Variants in PLPPR5 observed in about 807,000 individuals in gnomAD.
PLPPR5 encodes phospholipid phosphatase related 5, also known as phospholipid phosphatase-related protein type 5.
In PLPPR5, 16 loss-of-function variants were observed where a neutral mutation model predicts 33.9. That is an observed-to-expected ratio of 0.47 (90% CI 0.32 to 0.72). The LOEUF (loss-of-function observed/expected upper bound fraction) is 0.72, where lower values mean the gene tolerates loss of function less well. Among genes scored for constraint, PLPPR5 ranks in the 30% least tolerant of loss-of-function variants. The pLI is 0.03. For missense variants in PLPPR5, 301 were observed against 406.7 expected, an observed-to-expected ratio of 0.74 and a Z score of 2.23; for synonymous variants, 163 against 150.3, an observed-to-expected ratio of 1.08 and a Z score of -0.62.
chr1:98,978,185 A>G (rs1227723845), intron 1 of PLPPR5, among the ~76,000 whole-genome samples: 1 of 152,052 alleles, frequency 6.6e-6, no homozygotes, highest in Non-Finnish European at 1.5e-5. Flanking sequence ...AGTTCCTCAC[A>G]TAGAGAAGAA....
At chr1:98,926,215 T>C (rs1649758747) in intron 3 of PLPPR5, among the ~76,000 whole-genome samples, 2 of 152,096 alleles carry the variant, frequency 1.3e-5, no homozygotes, top group Non-Finnish European at 2.9e-5. Flanking sequence ...CTCTAGTGCT[T>C]TTGACATCTG....
intron 3 of PLPPR5, among the ~76,000 whole-genome samples, chr1:98,922,811 C>A (rs1432686201): frequency 1.3e-5 from 2 of 152,046 alleles, no homozygotes; most frequent in African/African-American, 4.8e-5. Flanking sequence ...TGGTGAAACC[C>A]CATCTCTACT....
At chr1:98,932,629 G>C (rs1650021208) in intron 3 of PLPPR5, among the ~76,000 whole-genome samples, 1 of 152,148 alleles carries the variant, frequency 6.6e-6, no homozygotes, top group Non-Finnish European at 1.5e-5. Flanking sequence ...TGACCTCTAA[G>C]AAACTGTATT....
intron 1 of PLPPR5, among the ~76,000 whole-genome samples, chr1:98,977,976 A>G (rs1651919984): frequency 6.6e-6 from 1 of 151,884 alleles, no homozygotes; most frequent in Non-Finnish European, 1.5e-5. Context: ...AAATCAAACT[A>G]CCTCTGGTGG....
intron 1 of PLPPR5, among the ~76,000 whole-genome samples, chr1:98,969,222 A>G (rs1651564200): frequency 6.6e-6 from 1 of 152,068 alleles, no homozygotes; most frequent in Admixed American, 6.6e-5. Flanking sequence ...ACAGAAACTT[A>G]AATTTAGGAA....
intron 1 of PLPPR5, among the ~76,000 whole-genome samples, chr1:98,986,926 T>G (rs765139578): frequency 6.6e-6 from 1 of 151,848 alleles, no homozygotes; most frequent in Non-Finnish European, 1.5e-5. Context: ...GATGATTCCC[T>G]ATGCTTCAAA....
At chr1:98,950,594 G>A (rs1423852003) in intron 3 of PLPPR5, among the ~76,000 whole-genome samples, 1 of 152,144 alleles carries the variant, frequency 6.6e-6, no homozygotes, top group Non-Finnish European at 1.5e-5. Flanking sequence ...GAATAAAAAG[G>A]CCAAGTATAT....
chr1:98,930,938 G>A (rs1649944031), intron 3 of PLPPR5, among the ~76,000 whole-genome samples: 1 of 152,100 alleles, frequency 6.6e-6, no homozygotes, highest in Non-Finnish European at 1.5e-5. Context: ...AGGTGATGGG[G>A]ATGAACCTCT....
chr1:98,898,240 C>T (rs1294266387), intron 5 of PLPPR5, among the ~76,000 whole-genome samples: 1 of 152,118 alleles, frequency 6.6e-6, no homozygotes, highest in East Asian at 1.9e-4. Context: ...ACCAAATATA[C>T]ATATTCCTAA....
chr1:98,892,822 T>A lies in PLPPR5; in HGVS notation c.*250A>T, dbSNP rs1015366792. ...ATTTTGTTCATTTGGTCATCACATTTTTGTTGAACACCTACTTTGTGCTAG... is the reference window on the plus strand; with the variant it reads ...ATTTTGTTCATTTGGTCATCACATTATTGTTGAACACCTACTTTGTGCTAG... On this transcript the variant is annotated 3_prime_UTR_variant, in exon 6 of 6. Transcript: ENST00000263177. The A allele has an allele frequency of 2.7e-6, 1 of 367,152 alleles. No individual in the cohort carries two copies. The highest frequency in any genetic ancestry group is 4.7e-5 in the Admixed American group (1 of 21,474). 22.7% of individuals were successfully genotyped at this position (367,152 alleles called of 1,614,324 possible). A position where few individuals can be genotyped will look rare whatever the true frequency, so the allele number is the denominator to read the frequency against.
intron 3 of PLPPR5, among the ~76,000 whole-genome samples, chr1:98,949,566 T>A (rs981954196): frequency 3.9e-5 from 6 of 152,202 alleles, no homozygotes; most frequent in African/African-American, 9.6e-5. Flanking sequence ...CCACAGAGGA[T>A]ATTGAATATA....
rs1420072432 is a variant in PLPPR5, at chr1:98,890,983, T to C, written c.*2089A>G. ...AGGAAAAACATTCCTGCTTGGCTGC[T>C]TGGAAGTCTGATGTAGAATCAATAG... On this transcript the variant is annotated 3_prime_UTR_variant, in exon 6 of 6. Coordinates refer to ENST00000263177, the MANE Select transcript of PLPPR5 (RefSeq NM_001037317.2). 6.6e-6 allele frequency: 1 copy of C among 152,144 alleles called. No homozygotes were observed. Among genetic ancestry groups the C allele is most frequent in the Non-Finnish European group, 1.5e-5 (1 of 68,018 alleles). The allele number at this position is 152,144 out of a possible 1,614,324, so 9.4% of individuals were successfully genotyped here.
chr1:98,991,922 C>T (rs1487783613), intron 1 of PLPPR5, among the ~76,000 whole-genome samples: 2 of 152,196 alleles, frequency 1.3e-5, no homozygotes, highest in Non-Finnish European at 2.9e-5. Context: ...AGGAGGAACA[C>T]GTACTTGCCT....
chr1:98,910,889 T>G (rs1382627738), intron 5 of PLPPR5, among the ~76,000 whole-genome samples: 2 of 14,250 alleles, frequency 1.4e-4, no homozygotes, highest in Non-Finnish European at 1.7e-4. Flanking sequence ...CCAGAGAGTG[T>G]TTTTTTTTTT....
At position 98,953,181 on chromosome 1, in the gene PLPPR5, G is replaced by A. The variant is rs1462546359; in HGVS notation, c.510C>T (p.Phe170=). Reference sequence around the variant, plus strand: ...CAGTACAGGCCTCTTCCCCACTGATGAATTGTGTATACTGCTGACATCCAA... The same window carrying A: ...CAGTACAGGCCTCTTCCCCACTGATAAATTGTGTATACTGCTGACATCCAA... The part of the protein sequence containing the change: ...TALGCQQYTQ[F]ISGEEACTGN... The change falls in exon 3 of 6, where the codon TTC becomes TTT. Residue 170 remains phenylalanine, a synonymous_variant. Coordinates refer to ENST00000263177, the MANE Select transcript of PLPPR5 (RefSeq NM_001037317.2). 9 of 1,613,968 alleles carry A rather than the reference G, an allele frequency of 5.6e-6. No individual in the cohort carries two copies. Among genetic ancestry groups the A allele is most frequent in the Non-Finnish European group, 7.6e-6 (9 of 1,180,008 alleles).
chr1:98,909,221 CT>C (rs1256621776), intron 5 of PLPPR5, among the ~76,000 whole-genome samples: 2 of 122,374 alleles, frequency 1.6e-5, no homozygotes, highest in Non-Finnish European at 1.7e-5. Flanking sequence ...TCCCCCTCCC[CT>C]CCCTTCCCTT....
intron 1 of PLPPR5, among the ~76,000 whole-genome samples, chr1:98,984,401 T>C (rs1652180087): frequency 6.6e-6 from 1 of 152,068 alleles, no homozygotes; most frequent in Admixed American, 6.6e-5. Context: ...GCCTTTTACA[T>C]GTATAAGTAT....
At chr1:98,908,003 G>T (rs55831817) in intron 5 of PLPPR5, among the ~76,000 whole-genome samples, 26,173 of 152,148 alleles carry the variant, frequency 0.17, 2,505 homozygotes, top group Non-Finnish European at 0.21. Context: ...CCCTAATAGT[G>T]AGAAGCCTAA....
At chr1:99,003,580 TA>T (rs1171020451) in intron 1 of PLPPR5, among the ~76,000 whole-genome samples, 1 of 152,196 alleles carries the variant, frequency 6.6e-6, no homozygotes, top group Non-Finnish European at 1.5e-5. Context: ...TAAATTACTA[TA>T]ATAAAATTAA....
Sources: allele counts gnomAD v4.1 joint callset (sites outside exome capture counted in the v4.1 genomes callset), GRCh38; gene constraint gnomAD v4.1.1; transcripts MANE v1.5; gene names NCBI Gene and HGNC (gene_info 2026-07-23, HGNC 2026-07-21).